Variants in ANKRD26 observed in about 807,000 individuals in gnomAD.
ANKRD26 encodes the protein ankyrin repeat domain 26.
A neutral mutation model predicts 208.7 loss-of-function variants in ANKRD26; 141 were observed. That is an observed-to-expected ratio of 0.68 (90% CI 0.59 to 0.78). ANKRD26 has a LOEUF of 0.78. Among genes scored for constraint, ANKRD26 ranks in the 30% least tolerant of loss-of-function variants. The pLI is 0.00. For synonymous variants in ANKRD26, 636 were observed against 660.4 expected (o/e 0.96, Z 0.57); for missense variants, 1,889 against 1,938.7 (o/e 0.97, Z 0.48).
Position 27,007,025 on chromosome 10 carries a change from G to A in ANKRD26, c.4954-63C>T, listed in dbSNP as rs192314890. The stretch of plus-strand genomic sequence containing the variant: ...AGACAAGAGACATTAACATAGAAAT[G>A]ATGTATCACTTACAAAATGTGGCCT... On this transcript the variant is annotated intron_variant, in intron 32 of 33. Coordinates refer to ENST00000376087, the MANE Select transcript of ANKRD26 (RefSeq NM_014915.3). 6.7e-4 allele frequency: 828 copies of A among 1,239,494 alleles called. 5 individuals carry two copies. In the African/African-American group the frequency reaches 0.011, roughly 16 times the overall value. 76.8% of individuals were successfully genotyped at this position (1,239,494 alleles called of 1,614,324 possible).
chr10:27,073,973 A>G (rs1373499014), intron 9 of ANKRD26, among the ~76,000 whole-genome samples: 1 of 152,212 alleles, frequency 6.6e-6, no homozygotes, highest in African/African-American at 2.4e-5. Context: ...ACAATAAACT[A>G]TAGACATTCA....
chr10:27,064,863 G>C (rs2055184350), intron 11 of ANKRD26, among the ~76,000 whole-genome samples: 1 of 152,090 alleles, frequency 6.6e-6, no homozygotes, highest in Non-Finnish European at 1.5e-5. Flanking sequence ...AAAAATAGAA[G>C]AATAAGAACA....
At chr10:27,031,296 G>C (rs2053857268) in intron 25 of ANKRD26, among the ~76,000 whole-genome samples, 1 of 152,130 alleles carries the variant, frequency 6.6e-6, no homozygotes, top group African/African-American at 2.4e-5. Context: ...CAATCTAGAG[G>C]CCCATCCGCT....
intron 4 of ANKRD26, among the ~76,000 whole-genome samples, chr10:26,998,932 G>T (rs2052657552): frequency 6.6e-6 from 1 of 152,180 alleles, no homozygotes; most frequent in South Asian, 2.1e-4. Context: ...GTTCAAAGAG[G>T]TCGGGATAAA....
intron 5 of ANKRD26, among the ~76,000 whole-genome samples, chr10:26,980,076 A>G (rs2052284863): frequency 6.6e-6 from 1 of 152,212 alleles, no homozygotes; most frequent in Non-Finnish European, 1.5e-5. Flanking sequence ...TTTGCATTTA[A>G]TAAGCGCCAT....
downstream of ANKRD26, among the ~76,000 whole-genome samples, chr10:26,991,615 T>C (rs966757000): frequency 1.3e-5 from 2 of 152,172 alleles, no homozygotes; most frequent in African/African-American, 4.8e-5. Context: ...GCTAATTTTG[T>C]ATTTTTAGTA....
chr10:27,082,550 G>C (rs2055960448), intron 6 of ANKRD26, among the ~76,000 whole-genome samples: 1 of 152,178 alleles, frequency 6.6e-6, no homozygotes, highest in Non-Finnish European at 1.5e-5. Context: ...GGCAAGAGAA[G>C]GGATTTGGGA....
intron 13 of ANKRD26, among the ~76,000 whole-genome samples, chr10:27,060,810 A>G (rs1336274462): frequency 6.6e-6 from 1 of 152,248 alleles, no homozygotes; most frequent in Non-Finnish European, 1.5e-5. Flanking sequence ...AGAAAAGTGC[A>G]CATATACCAA....
rs200935120 is a variant in ANKRD26, at chr10:27,046,560, A to G, written c.1815-37T>C. Reference sequence around the variant, plus strand: ...CCATGGGAAATGACAGTTACATAAGAAAAAAGAAAAAAAGAAACAACATGC... The same window carrying G: ...CCATGGGAAATGACAGTTACATAAGGAAAAAGAAAAAAAGAAACAACATGC... On this transcript the variant is annotated intron_variant, in intron 17 of 33. Coordinates refer to ENST00000376087, the MANE Select transcript of ANKRD26 (RefSeq NM_014915.3). The G allele has an allele frequency of 2.3e-3, 3,591 of 1,579,390 alleles. 4 individuals are homozygous for G. The highest frequency in any genetic ancestry group is 3.6e-3 in the South Asian group (314 of 87,814).
At chr10:27,092,145 T>A (rs2056320311) in intron 4 of ANKRD26, among the ~76,000 whole-genome samples, 1 of 152,132 alleles carries the variant, frequency 6.6e-6, no homozygotes, top group South Asian at 2.1e-4. Flanking sequence ...TCCTACTGTA[T>A]AGTCTTCTTT....
intron 5 of ANKRD26, among the ~76,000 whole-genome samples, chr10:26,994,579 T>C (rs1564338065): frequency 6.6e-6 from 1 of 152,228 alleles, no homozygotes; most frequent in South Asian, 2.1e-4. Flanking sequence ...TCAGGTTTTA[T>C]GGCCATTCCC....
chr10:27,074,478 T>C (rs1288878657), intron 9 of ANKRD26, among the ~76,000 whole-genome samples: 2 of 152,138 alleles, frequency 1.3e-5, no homozygotes, highest in African/African-American at 4.8e-5. Flanking sequence ...GTCAGGAGTT[T>C]GAGACCACCC....
chr10:27,061,893 T>C, intron 12 of ANKRD26: 3 of 952,484 alleles, frequency 3.1e-6, no homozygotes, highest in African/African-American at 1.8e-5. Context: ...TGTCTGATAG[T>C]TATAGAAAGG....
intron 20 of ANKRD26, among the ~76,000 whole-genome samples, chr10:27,042,505 G>C (rs1034389954): frequency 1.4e-4 from 22 of 152,282 alleles, no homozygotes; most frequent in African/African-American, 5.1e-4. Flanking sequence ...TGTAATCCCA[G>C]CACTTTGGGA....
At chr10:26,999,701 G>C (rs1294331096), downstream of ANKRD26, among the ~76,000 whole-genome samples, 2 of 150,592 alleles carry the variant, frequency 1.3e-5, no homozygotes, top group Non-Finnish European at 2.9e-5. Context: ...CTGAAAGGCT[G>C]AGAAAAGCAT....
At chr10:26,987,630 C>T (rs950434692), downstream of ANKRD26, among the ~76,000 whole-genome samples, 2 of 152,090 alleles carry the variant, frequency 1.3e-5, no homozygotes, top group African/African-American at 4.8e-5. Flanking sequence ...GTCATCAGAA[C>T]AGTCATGAGG....
intron 3 of ANKRD26, 66 bp from the exon 4 acceptor site, chr10:27,092,578 C>CT: frequency 1.7e-6 from 2 of 1,185,344 alleles, no homozygotes; most frequent in East Asian, 2.4e-5. Context: ...ACTGAAAACT[C>CT]TATGTCAGAT....
chr10:27,061,902 G>C (rs770307759), intron 12 of ANKRD26: 1 of 958,508 alleles, frequency 1.0e-6, no homozygotes, highest in Non-Finnish European at 1.2e-6. Flanking sequence ...GTTATAGAAA[G>C]GAGATATGAA....
intron 25 of ANKRD26, among the ~76,000 whole-genome samples, chr10:27,031,641 G>T (rs2053866736): frequency 1.3e-5 from 2 of 152,078 alleles, no homozygotes; most frequent in African/African-American, 4.8e-5. Context: ...ACACAACTCT[G>T]TAAATAATCT....
Sources: allele counts gnomAD v4.1 joint callset (sites outside exome capture counted in the v4.1 genomes callset), GRCh38; gene constraint gnomAD v4.1.1; transcripts MANE v1.5; gene names NCBI Gene and HGNC (gene_info 2026-07-23, HGNC 2026-07-21).